TRIM44: variants seen among roughly 807,000 people sequenced by gnomAD.
TRIM44 encodes the protein tripartite motif-containing protein 44.
TRIM44 carries 13 observed loss-of-function variants against 37.4 expected under a neutral mutation model. That is an observed-to-expected ratio of 0.35 (90% CI 0.23 to 0.55). TRIM44 has a LOEUF of 0.55. Among genes scored for constraint, TRIM44 ranks in the 20% least tolerant of loss-of-function variants. TRIM44 has a pLI of 0.89. For missense variants in TRIM44, 426 were observed against 437.2 expected, an observed-to-expected ratio of 0.97 and a Z score of 0.23; for synonymous variants, 175 against 157.2, an observed-to-expected ratio of 1.11 and a Z score of -0.85.
Position 35,666,806 on chromosome 11 carries a change from G to A in TRIM44, c.669+3026G>A, listed in dbSNP as rs148651950. ...AAGTTTTGTTTTCTAATTGAATATAGGAATATGATTAACTTTTATATATTG... is the reference window on the plus strand; with the variant it reads ...AAGTTTTGTTTTCTAATTGAATATAAGAATATGATTAACTTTTATATATTG... On this transcript the variant is annotated intron_variant, in intron 1 of 4. Coordinates refer to ENST00000299413, the MANE Select transcript of TRIM44 (RefSeq NM_017583.6). Among the ~76,000 whole-genome samples the A allele has an allele frequency of 4.8e-3, 728 of 151,554 alleles. 6 individuals are homozygous for A. Among genetic ancestry groups the A allele is most frequent in the Non-Finnish European group, 7.8e-3 (533 of 68,012 alleles).
Position 35,730,991 on chromosome 11 carries a change from A to G in TRIM44, c.988-4435A>G, listed in dbSNP as rs966753995. Among the ~76,000 whole-genome samples, 3 of 151,096 alleles carry G rather than the reference A, an allele frequency of 2.0e-5. No individual in the cohort carries two copies. The Admixed American group carries it at 2.0e-4, about 10-fold the overall frequency. ...ACCTATTAGTTATAATAGTGGCTTTATAGATTCTTTAGGATTTTCTATATC... is the reference window on the plus strand; with the variant it reads ...ACCTATTAGTTATAATAGTGGCTTTGTAGATTCTTTAGGATTTTCTATATC... On this transcript the variant is annotated intron_variant, in intron 3 of 4. Coordinates refer to ENST00000299413, the MANE Select transcript of TRIM44 (RefSeq NM_017583.6).
At chr11:35,714,102 A>G (rs1852009629) in intron 2 of TRIM44, among the ~76,000 whole-genome samples, 1 of 152,086 alleles carries the variant, frequency 6.6e-6, no homozygotes, top group East Asian at 1.9e-4. Context: ...GGGAAATTAG[A>G]TCTAAACTCC....
intron 4 of TRIM44, among the ~76,000 whole-genome samples, chr11:35,790,160 A>G (rs1011237961): frequency 6.6e-6 from 1 of 152,164 alleles, no homozygotes; most frequent in African/African-American, 2.4e-5. Flanking sequence ...ACCTCATCGT[A>G]AGATGACAGC....
chr11:35,697,751 G>A (rs1851724426), intron 2 of TRIM44, among the ~76,000 whole-genome samples: 1 of 151,712 alleles, frequency 6.6e-6, no homozygotes, highest in African/African-American at 2.4e-5. Flanking sequence ...ATGGTTTCCA[G>A]TTGCATCCAT....
chr11:35,756,357 TA>T (rs1249080158), intron 4 of TRIM44, among the ~76,000 whole-genome samples: 1 of 152,216 alleles, frequency 6.6e-6, no homozygotes, highest in Non-Finnish European at 1.5e-5. Flanking sequence ...ATTGATTTTG[TA>T]TCCTGAGACT....
intron 4 of TRIM44, among the ~76,000 whole-genome samples, chr11:35,759,033 T>G (rs1239854999): frequency 2.0e-5 from 3 of 152,160 alleles, no homozygotes; most frequent in Non-Finnish European, 4.4e-5. Context: ...TTTCCTGAAT[T>G]TGAATGTTGG....
chr11:35,704,904 C>T (rs1335875768), intron 2 of TRIM44, among the ~76,000 whole-genome samples: 7 of 151,312 alleles, frequency 4.6e-5, no homozygotes, highest in African/African-American at 1.7e-4. Flanking sequence ...CAAATTCACA[C>T]ATAACAATAT....
chr11:35,694,572 A>G (rs1851674594), intron 2 of TRIM44, among the ~76,000 whole-genome samples: 1 of 151,820 alleles, frequency 6.6e-6, no homozygotes, highest in African/African-American at 2.4e-5. Flanking sequence ...TCATAGAAGC[A>G]TAAACAAGAA....
intron 4 of TRIM44, among the ~76,000 whole-genome samples, chr11:35,743,420 G>A (rs1425884871): frequency 1.3e-5 from 2 of 152,148 alleles, no homozygotes; most frequent in African/African-American, 4.8e-5. Context: ...GATTTGTTAT[G>A]GGTAAATTGC....
At chr11:35,687,064 C>T (rs1199328157) in intron 2 of TRIM44, among the ~76,000 whole-genome samples, 1 of 152,140 alleles carries the variant, frequency 6.6e-6, no homozygotes, top group African/African-American at 2.4e-5. Context: ...ATCATCTGCC[C>T]AAATCTAATG....
chr11:35,796,656 A>G (rs1289675178), intron 4 of TRIM44, among the ~76,000 whole-genome samples: 1 of 152,124 alleles, frequency 6.6e-6, no homozygotes, highest in African/African-American at 2.4e-5. Context: ...TTCCTTTCAG[A>G]CCTCATCACA....
chr11:35,723,739 T>C (rs929391991), intron 2 of TRIM44, among the ~76,000 whole-genome samples: 1 of 152,192 alleles, frequency 6.6e-6, no homozygotes, highest in Admixed American at 6.5e-5. Flanking sequence ...AAATAGGTTG[T>C]GAGTCAGTTT....
In TRIM44 at chr11:35,817,844, C is replaced by T. The variant is rs951463363; in HGVS notation, c.*11459C>T. The T allele has an allele frequency of 2.6e-5, 4 of 152,042 alleles. No homozygotes were observed. The highest frequency in any genetic ancestry group is 9.7e-5 in the African/African-American group (4 of 41,400). 9.4% of individuals were successfully genotyped at this position (152,042 alleles called of 1,614,324 possible). ...TGTTTAAAAATATGTGACACCTCCC[C>T]CCACCTTCCTTCTGCTCTGGCCATG... On this transcript the variant is annotated 3_prime_UTR_variant, in exon 5 of 5. Transcript: ENST00000299413.
At chr11:35,730,023 T>G (rs1590549220) in intron 3 of TRIM44, among the ~76,000 whole-genome samples, 1 of 152,154 alleles carries the variant, frequency 6.6e-6, no homozygotes, top group African/African-American at 2.4e-5. Context: ...GAAAAGAGAA[T>G]TGATATATGC....
intron 2 of TRIM44, among the ~76,000 whole-genome samples, chr11:35,725,252 T>C (rs1414070076): frequency 3.9e-5 from 6 of 152,188 alleles, no homozygotes; most frequent in African/African-American, 1.2e-4. Flanking sequence ...TATATACATA[T>C]ATGTACATAA....
rs561366563 is a variant in TRIM44 at position 35,778,848 on chromosome 11, T to G, written c.1008-27510T>G. Among the ~76,000 whole-genome samples the G allele has an allele frequency of 2.6e-5, 4 of 152,300 alleles. No individual in the cohort carries two copies. The South Asian group carries it at 8.3e-4, about 32-fold the overall frequency. On this transcript the variant is annotated intron_variant, in intron 4 of 4. Coordinates refer to ENST00000299413, the MANE Select transcript of TRIM44 (RefSeq NM_017583.6). Reference sequence around the variant, plus strand: ...GGCACCTGGCTGTATGAGGTGTCGGTCAGCCCCCTATTGGGAGTTCTCTAC... The same window carrying G: ...GGCACCTGGCTGTATGAGGTGTCGGGCAGCCCCCTATTGGGAGTTCTCTAC...
At chr11:35,778,729 C>T (rs1853011480) in intron 4 of TRIM44, among the ~76,000 whole-genome samples, 1 of 152,212 alleles carries the variant, frequency 6.6e-6, no homozygotes, top group African/African-American at 2.4e-5. Context: ...TGGAGGTCCA[C>T]TCCAGTCCCT....
chr11:35,746,884 C>G (rs1362556632), intron 4 of TRIM44, among the ~76,000 whole-genome samples: 1 of 152,210 alleles, frequency 6.6e-6, no homozygotes, highest in South Asian at 2.1e-4. Flanking sequence ...CTTAGCACCA[C>G]TACCAGTTGT....
chr11:35,703,076 G>C (rs936223054), intron 2 of TRIM44, among the ~76,000 whole-genome samples: 24 of 152,206 alleles, frequency 1.6e-4, no homozygotes, highest in Non-Finnish European at 2.9e-4. Context: ...TTTCCGACGG[G>C]CTTAAAAAAC....
Sources: gnomAD v4.1 joint callset for allele counts (sites outside exome capture counted in the v4.1 genomes callset) on GRCh38, gnomAD v4.1.1 for gene constraint, MANE v1.5 for transcripts, NCBI Gene and HGNC (gene_info 2026-07-23, HGNC 2026-07-21) for gene names.